IQGAP2: variants seen among roughly 807,000 people sequenced by gnomAD.
IQGAP2 encodes ras GTPase-activating-like protein IQGAP2.
A neutral mutation model predicts 201.3 loss-of-function variants in IQGAP2; 173 were observed. The ratio of observed to expected loss-of-function variants is 0.86; its 90% CI spans 0.76 to 0.98. The LOEUF is 0.98. Among genes scored for constraint, IQGAP2 ranks in the 50% least tolerant of loss-of-function variants. IQGAP2 has a pLI of 0.00. For missense variants in IQGAP2, 1,687 were observed against 1,864.8 expected (o/e 0.90, Z 1.76); for synonymous variants, 675 against 673.9 (o/e 1.00, Z -0.03).
chr5:76,436,305 G>A (rs1752642872), intron 1 of IQGAP2, among the ~76,000 whole-genome samples: 1 of 151,082 alleles, frequency 6.6e-6, no homozygotes, highest in African/African-American at 2.4e-5. Context: ...AGTACTCAGG[G>A]GGAATGCTTT....
intron 32 of IQGAP2, among the ~76,000 whole-genome samples, chr5:76,697,039 A>G (rs1454735643): frequency 6.6e-6 from 1 of 152,218 alleles, no homozygotes; most frequent in Non-Finnish European, 1.5e-5. Flanking sequence ...TTCTTAAGTC[A>G]AACATTTTCA....
intron 2 of IQGAP2, among the ~76,000 whole-genome samples, chr5:76,468,378 T>C (rs1416203539): frequency 6.6e-6 from 1 of 152,212 alleles, no homozygotes; most frequent in Non-Finnish European, 1.5e-5. Context: ...AAACTCGCCA[T>C]TTGGTTGAAC....
intron 1 of IQGAP2, among the ~76,000 whole-genome samples, chr5:76,430,700 A>G (rs1389864914): frequency 6.6e-6 from 1 of 152,220 alleles, no homozygotes; most frequent in Non-Finnish European, 1.5e-5. Flanking sequence ...CAGAAAAAGC[A>G]CATAAGCCAT....
intron 3 of IQGAP2, among the ~76,000 whole-genome samples, chr5:76,570,021 A>G (rs1745004029): frequency 6.6e-6 from 1 of 152,244 alleles, no homozygotes; most frequent in South Asian, 2.1e-4. Flanking sequence ...CAAGGCCAAG[A>G]TCAGGGTTAA....
chr5:76,566,183 G>C (rs2150261770), intron 3 of IQGAP2, among the ~76,000 whole-genome samples: 1 of 152,190 alleles, frequency 6.6e-6, no homozygotes, highest in African/African-American at 2.4e-5. Context: ...GCAGACAAGG[G>C]CCTGGTTTCA....
At chr5:76,675,225 G>A (rs1032780159) in intron 27 of IQGAP2, among the ~76,000 whole-genome samples, 4 of 152,130 alleles carry the variant, frequency 2.6e-5, no homozygotes, top group African/African-American at 7.2e-5. Flanking sequence ...TTCATGGGAT[G>A]CAGAACCCAC....
At chr5:76,457,936 G>A (rs11739493) in intron 1 of IQGAP2, among the ~76,000 whole-genome samples, 32,717 of 152,210 alleles carry the variant, frequency 0.21, 3,724 homozygotes, top group Middle Eastern at 0.29. Flanking sequence ...ATGTCCTCAT[G>A]TTTTTTGTGG....
intron 20 of IQGAP2, among the ~76,000 whole-genome samples, chr5:76,656,385 G>T (rs1742710048): frequency 6.6e-6 from 1 of 152,028 alleles, no homozygotes; most frequent in Non-Finnish European, 1.5e-5. Flanking sequence ...GTTTCACCGT[G>T]TTAGCCAGGA....
At chr5:76,613,702 C>CT (rs1169446156) in intron 13 of IQGAP2, among the ~76,000 whole-genome samples, 1 of 151,496 alleles carries the variant, frequency 6.6e-6, no homozygotes, top group Non-Finnish European at 1.5e-5. Flanking sequence ...TCTTAAGGTT[C>CT]TTTTTTTTGT....
At chr5:76,460,529 C>T (rs1475070626) in intron 1 of IQGAP2, among the ~76,000 whole-genome samples, 2 of 150,808 alleles carry the variant, frequency 1.3e-5, no homozygotes, top group African/African-American at 2.5e-5. Flanking sequence ...GGGGTAGTGG[C>T]TGAGTGACTA....
chr5:76,560,073 A>C (rs555906163), intron 2 of IQGAP2, among the ~76,000 whole-genome samples: 1 of 152,284 alleles, frequency 6.6e-6, no homozygotes, highest in African/African-American at 2.4e-5. Context: ...GCTCACATTT[A>C]TTTCAGTGTT....
At chr5:76,415,786 A>G (rs1303243596) in intron 1 of IQGAP2, among the ~76,000 whole-genome samples, 1 of 152,194 alleles carries the variant, frequency 6.6e-6, no homozygotes, top group Admixed American at 6.5e-5. Flanking sequence ...TATTAAAAAT[A>G]CAAAAAATAT....
intron 2 of IQGAP2, chr5:76,510,692 C>G (rs903597909): frequency 3.3e-4 from 179 of 535,950 alleles, no homozygotes; most frequent in Non-Finnish European, 1.1e-4. Context: ...CAGCTGCAGC[C>G]AGACTGCCAA....
intron 1 of IQGAP2, among the ~76,000 whole-genome samples, chr5:76,422,114 T>C (rs1327028195): frequency 1.3e-5 from 2 of 152,238 alleles, no homozygotes; most frequent in African/African-American, 4.8e-5. Flanking sequence ...GAGTTATTAC[T>C]CTTTTACAGG....
intron 2 of IQGAP2, among the ~76,000 whole-genome samples, chr5:76,551,948 C>T (rs977350164): frequency 1.3e-5 from 2 of 151,578 alleles, no homozygotes; most frequent in Non-Finnish European, 2.9e-5. Flanking sequence ...CCCCAGGTGG[C>T]AGCCTTGCTT....
At chr5:76,425,764 T>C (rs1362412738) in intron 1 of IQGAP2, among the ~76,000 whole-genome samples, 1 of 152,210 alleles carries the variant, frequency 6.6e-6, no homozygotes, top group Non-Finnish European at 1.5e-5. Context: ...ATGGGATGAA[T>C]TGCCAATAAT....
At chr5:76,443,269 G>A (rs980095641) in intron 1 of IQGAP2, among the ~76,000 whole-genome samples, 1 of 152,104 alleles carries the variant, frequency 6.6e-6, no homozygotes, top group African/African-American at 2.4e-5. Context: ...GTTCTCTGGT[G>A]TATGAAATGG....
chr5:76,540,481 A>C (rs1742687700), intron 2 of IQGAP2, among the ~76,000 whole-genome samples: 1 of 152,146 alleles, frequency 6.6e-6, no homozygotes, highest in Admixed American at 6.5e-5. Flanking sequence ...AGTAAGTGGC[A>C]GTGGTAGTGG....
intron 3 of IQGAP2, among the ~76,000 whole-genome samples, chr5:76,563,011 AT>A (rs988205142): frequency 6.6e-6 from 1 of 152,226 alleles, no homozygotes; most frequent in Non-Finnish European, 1.5e-5. Flanking sequence ...AGTTTTAAGA[AT>A]TGTTTCAGGG....
Sources: allele counts gnomAD v4.1 joint callset (sites outside exome capture counted in the v4.1 genomes callset), GRCh38; gene constraint gnomAD v4.1.1; transcripts MANE v1.5; gene names NCBI Gene and HGNC (gene_info 2026-07-23, HGNC 2026-07-21).